XYLB: variants seen among roughly 807,000 people sequenced by gnomAD.
XYLB encodes xylulokinase.
XYLB carries 62 observed loss-of-function variants against 78.7 expected under a neutral mutation model. The ratio of observed to expected loss-of-function variants is 0.79; its 90% CI spans 0.64 to 0.97. XYLB has a LOEUF of 0.97. Ranked by LOEUF, XYLB falls within the 50% of genes least tolerant of loss-of-function variation. The pLI, the probability that XYLB is intolerant of heterozygous loss-of-function variation, is 0.00. For missense variants in XYLB, 687 were observed against 676.8 expected (o/e 1.02, Z -0.17); for synonymous variants, 245 against 247.4 (o/e 0.99, Z 0.09).
intron 9 of XYLB, among the ~76,000 whole-genome samples, chr3:38,371,597 G>C (rs2125594014): frequency 6.6e-6 from 1 of 152,222 alleles, no homozygotes; most frequent in Non-Finnish European, 1.5e-5. Flanking sequence ...TTTTGGTAGT[G>C]ACAGGGTCTC....
chr3:38,452,769 G>T, the XYLB span: 4 of 152,086 alleles, frequency 2.6e-5, no homozygotes, highest in Non-Finnish European at 5.9e-5. Context: ...GTTTGACTAG[G>T]TTTCTGCCAT....
chr3:38,398,313 C>A (rs956141417), intron 17 of XYLB, among the ~76,000 whole-genome samples: 1 of 151,086 alleles, frequency 6.6e-6, no homozygotes, highest in African/African-American at 2.4e-5. Flanking sequence ...ACTAAAAATA[C>A]AAAAATTAGC....
At chr3:38,371,555 T>C (rs1706565832) in intron 9 of XYLB, among the ~76,000 whole-genome samples, 2 of 152,158 alleles carry the variant, frequency 1.3e-5, no homozygotes, top group Admixed American at 6.5e-5. Flanking sequence ...ATTACAGGCG[T>C]GAGCCACCGC....
chr3:38,451,721 T>C, the XYLB span: 64,483 of 152,186 alleles, frequency 0.42, 15,946 homozygotes, highest in Non-Finnish European at 0.57. Flanking sequence ...AATGGTGTAG[T>C]TGCTTATGCC....
intron 2 of XYLB, among the ~76,000 whole-genome samples, chr3:38,352,964 C>A (rs1459763307): frequency 6.6e-6 from 1 of 152,194 alleles, no homozygotes; most frequent in Admixed American, 6.5e-5. Flanking sequence ...ATCTCCCAAC[C>A]TCGTGATCTG....
chr3:38,446,063 T>G, the XYLB span, among the ~76,000 whole-genome samples: 1 of 152,068 alleles, frequency 6.6e-6, no homozygotes, highest in South Asian at 2.1e-4. Context: ...GCAGCAAGAT[T>G]TATTGTGAAG....
intron 17 of XYLB, among the ~76,000 whole-genome samples, chr3:38,399,033 G>C (rs867894179): frequency 6.6e-6 from 1 of 151,926 alleles, no homozygotes; most frequent in Non-Finnish European, 1.5e-5. Flanking sequence ...AACAGAGCAA[G>C]ACTCCATCTC....
intron 9 of XYLB, 90 bp from the exon 10 acceptor site, chr3:38,372,565 A>G: frequency 6.2e-7 from 1 of 1,602,428 alleles, no homozygotes. Context: ...TGGAGACTGT[A>G]GCGTTTTCGT....
rs1706754549 is a variant in XYLB, at chr3:38,374,641, C to T, written c.888+139C>T. On this transcript the variant is annotated intron_variant, in intron 11 of 18. Coordinates refer to ENST00000207870, the MANE Select transcript of XYLB (RefSeq NM_005108.4). ...TCCCAGCAGGATCTCTGCTACTTAT[C>T]AGAGTGTCTGCCGGTTCCAAAAGAC... 12 of 1,024,368 alleles carry T rather than the reference C, an allele frequency of 1.2e-5. No homozygotes were observed. In the South Asian group the frequency reaches 1.7e-4, roughly 14 times the overall value. 63.5% of individuals were successfully genotyped at this position (1,024,368 alleles called of 1,614,324 possible).
At chr3:38,394,742 A>T (rs1196298798) in intron 15 of XYLB, among the ~76,000 whole-genome samples, 1 of 152,156 alleles carries the variant, frequency 6.6e-6, no homozygotes, top group Non-Finnish European at 1.5e-5. Context: ...CTGATTGAGG[A>T]TATCTCCTGA....
Position 38,397,059 on chromosome 3 carries a change from G to T in XYLB, c.1351-13G>T. 1 of 1,614,060 alleles carries T rather than the reference G, an allele frequency of 6.2e-7. No homozygotes were observed. Among genetic ancestry groups the T allele is most frequent in the African/African-American group, 1.3e-5 (1 of 75,052 alleles). ...AATGGCTCACCACAGTAGAACCTCTGTGTCCTTTTCAGGTGCTTGCAGATG... is the reference window on the plus strand; with the variant it reads ...AATGGCTCACCACAGTAGAACCTCTTTGTCCTTTTCAGGTGCTTGCAGATG... On this transcript the variant is annotated splice_polypyrimidine_tract_variant and intron_variant, in intron 16 of 18. Transcript: ENST00000207870.
At chr3:38,435,004 G>A in the XYLB span, among the ~76,000 whole-genome samples, 1 of 152,086 alleles carries the variant, frequency 6.6e-6, no homozygotes, top group Admixed American at 6.5e-5. Flanking sequence ...ACGTGTGGTG[G>A]TACGTGCCTG....
chr3:38,439,757 G>A, the XYLB span, among the ~76,000 whole-genome samples: 16 of 112,776 alleles, frequency 1.4e-4, no homozygotes, highest in East Asian at 1.4e-3. Context: ...GTGAGACTCC[G>A]TCTCAAAAAA....
intron 18 of XYLB, among the ~76,000 whole-genome samples, chr3:38,411,029 A>G (rs1288105626): frequency 9.9e-5 from 15 of 151,104 alleles, no homozygotes; most frequent in South Asian, 2.1e-4. Context: ...TCCCATTACT[A>G]GGTATATACC....
intron 9 of XYLB, chr3:38,370,392 C>G: frequency 4.6e-6 from 2 of 433,262 alleles, no homozygotes; most frequent in South Asian, 1.3e-4. Context: ...CAGGTACATG[C>G]CTTATGGTCA....
At chr3:38,445,550 G>C in the XYLB span, among the ~76,000 whole-genome samples, 2 of 152,212 alleles carry the variant, frequency 1.3e-5, no homozygotes, top group South Asian at 2.1e-4. Flanking sequence ...GGATAGATGG[G>C]CAAGTGTTGC....
chr3:38,402,523 C>G (rs1374400189), intron 18 of XYLB, among the ~76,000 whole-genome samples: 1 of 152,088 alleles, frequency 6.6e-6, no homozygotes, highest in Non-Finnish European at 1.5e-5. Context: ...CTCTCATGTT[C>G]GAGAGGCCAC....
chr3:38,407,002 G>A (rs1482034745), intron 18 of XYLB, among the ~76,000 whole-genome samples: 44 of 143,806 alleles, frequency 3.1e-4, no homozygotes, highest in African/African-American at 8.1e-4. Context: ...AGCAAGGCAG[G>A]CCAACATTCA....
At chr3:38,427,005 C>A in the XYLB span, among the ~76,000 whole-genome samples, 1 of 152,200 alleles carries the variant, frequency 6.6e-6, no homozygotes. Context: ...TCAGCCAGAG[C>A]CTGTTTCTCT....
Sources: gnomAD v4.1 joint callset for allele counts (sites outside exome capture counted in the v4.1 genomes callset) on GRCh38, gnomAD v4.1.1 for gene constraint, MANE v1.5 for transcripts, NCBI Gene and HGNC (gene_info 2026-07-23, HGNC 2026-07-21) for gene names.